The following PLA2G5 variants were observed in gnomAD, a reference collection of about 807,000 sequenced individuals.
PLA2G5 encodes Ca2+-dependent phospholipase A2.
In PLA2G5, 12 loss-of-function variants were observed where a neutral mutation model predicts 15.9. The observed-to-expected ratio is 0.76, with a 90% CI of 0.48 to 1.23. The LOEUF is 1.23. PLA2G5 is among the 50% of genes most tolerant of loss of function. The probability of loss-of-function intolerance (pLI) is 0.00; values close to 1 mark genes in which losing one functional copy is unlikely to be tolerated. For missense variants in PLA2G5, 169 were observed against 177.1 expected (o/e 0.95, Z 0.26); for synonymous variants, 71 against 71.4 (o/e 0.99, Z 0.03).
At chr1:20,065,866 G>C (rs907276805), upstream of PLA2G5, among the ~76,000 whole-genome samples, 2 of 152,186 alleles carry the variant, frequency 1.3e-5, no homozygotes, top group African/African-American at 4.8e-5. Context: ...ATTGGAGCAG[G>C]GTGTGGTGGC....
At chr1:20,033,478 T>A (rs1486309113) in intron 1 of PLA2G5, among the ~76,000 whole-genome samples, 2 of 152,166 alleles carry the variant, frequency 1.3e-5, no homozygotes, top group African/African-American at 4.8e-5. Flanking sequence ...TAGAAGGGAT[T>A]GATGGCTTAT....
chr1:20,033,996 G>A (rs2013108447), intron 1 of PLA2G5, among the ~76,000 whole-genome samples: 1 of 152,132 alleles, frequency 6.6e-6, no homozygotes, highest in African/African-American at 2.4e-5. Flanking sequence ...AGCTCCTTTG[G>A]TTGATTTGGG....
chr1:20,034,789 C>T (rs957748249), intron 1 of PLA2G5, among the ~76,000 whole-genome samples: 1 of 152,150 alleles, frequency 6.6e-6, no homozygotes, highest in Non-Finnish European at 1.5e-5. Flanking sequence ...GCTGGAGCAG[C>T]AAACATTCTG....
chr1:20,089,730 A>T, intron 3 of PLA2G5, 59 bp from the exon 4 acceptor site: 1 of 1,375,830 alleles, frequency 7.3e-7, no homozygotes, highest in Non-Finnish European at 1.0e-6. Flanking sequence ...TGCTCCTATT[A>T]GGGATGGGGT....
In PLA2G5 at chr1:20,090,656, A is replaced by G; in HGVS notation, c.381A>G (p.Pro127=). 1.9e-6 allele frequency: 3 copies of G among 1,613,976 alleles called. No individual in the cohort carries two copies. The highest frequency in any genetic ancestry group is 2.5e-6 in the Non-Finnish European group (3 of 1,179,950). ...AGAGAAACCTACGGAGCTACAACCC[A>G]CAGTACCAATACTTTCCCAACATCC... ...CLKRNLRSYN[P]QYQYFPNILC... is the part of the protein sequence containing the mutation. Residue 127 remains proline, a synonymous_variant, in exon 5 of 5, where the codon CCA becomes CCG. Transcript: ENST00000375108.
intron 1 of PLA2G5, among the ~76,000 whole-genome samples, chr1:20,049,211 A>G (rs1238159324): frequency 6.6e-6 from 1 of 152,222 alleles, no homozygotes; most frequent in African/African-American, 2.4e-5. Context: ...GATGTTCAGG[A>G]CAAACCAGAA....
chr1:20,088,095 C>T (rs11573276), intron 3 of PLA2G5, among the ~76,000 whole-genome samples: 5 of 151,628 alleles, frequency 3.3e-5, no homozygotes, highest in East Asian at 3.9e-4. Flanking sequence ...CGGTGGCTCA[C>T]GCCTGTAATC....
At chr1:20,049,892 T>C (rs190892353) in intron 1 of PLA2G5, among the ~76,000 whole-genome samples, 24 of 152,342 alleles carry the variant, frequency 1.6e-4, no homozygotes, top group Non-Finnish European at 2.6e-4. Flanking sequence ...AACGCTCTCC[T>C]TCAACTTATT....
rs775032343 is a variant in PLA2G5 at position 20,084,683 on chromosome 1, G to A, written c.-10-138G>A. 1.4e-5 allele frequency: 10 copies of A among 694,986 alleles called. No homozygotes were observed. In the Admixed American group the frequency reaches 2.2e-4, roughly 15 times the overall value. 43.1% of individuals were successfully genotyped at this position (694,986 alleles called of 1,614,324 possible). On this transcript the variant is annotated intron_variant, in intron 1 of 4. Coordinates refer to ENST00000375108, the MANE Select transcript of PLA2G5 (RefSeq NM_000929.3). ...ACAGTTTTTTGCCTCATCTTTTCTG[G>A]CTGGACTCATCTTGTTTATTGCCCA... is the stretch of plus-strand genomic sequence containing the variant.
At chr1:20,046,483 A>G (rs575213591) in intron 1 of PLA2G5, among the ~76,000 whole-genome samples, 1 of 152,280 alleles carries the variant, frequency 6.6e-6, no homozygotes, top group South Asian at 2.1e-4. Flanking sequence ...TTTCCACCCT[A>G]TATCTCCTTC....
At chr1:20,089,192 A>C (rs1001782078) in intron 3 of PLA2G5, among the ~76,000 whole-genome samples, 1 of 152,232 alleles carries the variant, frequency 6.6e-6, no homozygotes, top group Non-Finnish European at 1.5e-5. Flanking sequence ...GTTTGGGAAT[A>C]ATGACAAGAA....
intron 1 of PLA2G5, among the ~76,000 whole-genome samples, chr1:20,079,214 T>C (rs888569789): frequency 1.3e-5 from 2 of 151,914 alleles, no homozygotes; most frequent in African/African-American, 4.8e-5. Context: ...TGGAGAATAC[T>C]AGTAGCTACT....
chr1:20,085,020 T>C (rs1490692983), intron 2 of PLA2G5, 150 bp downstream of exon 2: 2 of 713,390 alleles, frequency 2.8e-6, no homozygotes, highest in African/African-American at 3.5e-5. Flanking sequence ...AGAGCCTTCA[T>C]GCCTCCGAGC....
chr1:20,065,252 T>C (rs1242138915), upstream of PLA2G5, among the ~76,000 whole-genome samples: 2 of 152,234 alleles, frequency 1.3e-5, no homozygotes, highest in Non-Finnish European at 2.9e-5. Flanking sequence ...CTTGTTAAAA[T>C]TGACTCAATA....
chr1:20,052,750 C>T (rs1222530441), intron 1 of PLA2G5, among the ~76,000 whole-genome samples: 1 of 151,994 alleles, frequency 6.6e-6, no homozygotes, highest in African/African-American at 2.4e-5. Flanking sequence ...ATCTTGTGGC[C>T]CCCAAATCAC....
At chr1:20,057,551 T>G (rs1215318086) in intron 1 of PLA2G5, among the ~76,000 whole-genome samples, 4 of 152,316 alleles carry the variant, frequency 2.6e-5, no homozygotes, top group South Asian at 2.1e-4. Context: ...CAGGCTGGAG[T>G]GCAGTGGCAC....
At chr1:20,070,922 C>T (rs1238980871) in intron 1 of PLA2G5, 7 of 152,196 alleles carry the variant, frequency 4.6e-5, no homozygotes, top group Non-Finnish European at 4.4e-5. Context: ...CTTCGGTACA[C>T]ACAGAAAGAA....
intron 1 of PLA2G5, among the ~76,000 whole-genome samples, chr1:20,043,754 G>A (rs1320526769): frequency 6.6e-6 from 1 of 152,202 alleles, no homozygotes. Flanking sequence ...AAGGGATTTT[G>A]AAGCTTGGCC....
At chr1:20,074,738 C>T (rs1422772028) in intron 1 of PLA2G5, among the ~76,000 whole-genome samples, 2 of 152,188 alleles carry the variant, frequency 1.3e-5, no homozygotes, top group Admixed American at 6.5e-5. Flanking sequence ...GTTAGAAAAA[C>T]GTTCTTGGAT....
Sources: gnomAD v4.1 joint callset for allele counts (sites outside exome capture counted in the v4.1 genomes callset) on GRCh38, gnomAD v4.1.1 for gene constraint, MANE v1.5 for transcripts, NCBI Gene and HGNC (gene_info 2026-07-23, HGNC 2026-07-21) for gene names.